The following NRDE2 variants were observed in gnomAD, a reference collection of about 807,000 sequenced individuals.
The protein encoded by NRDE2 is nuclear exosome regulator NRDE2.
NRDE2 carries 76 observed loss-of-function variants against 124.2 expected under a neutral mutation model. The ratio of observed to expected loss-of-function variants is 0.61; its 90% CI spans 0.51 to 0.74. The LOEUF is 0.74. NRDE2 is among the 30% of genes least tolerant of loss of function. The probability of loss-of-function intolerance (pLI) is 0.00; values close to 1 mark genes in which losing one functional copy is unlikely to be tolerated. For synonymous variants in NRDE2, 489 were observed against 528.1 expected (o/e 0.93, Z 1.01); for missense variants, 1,314 against 1,417.3 (o/e 0.93, Z 1.17).
At position 90,303,014 on chromosome 14, in the gene NRDE2, C is replaced by T; in HGVS notation, c.1117G>A (p.Ala373Thr). Residue 373 changes from alanine (A) to threonine (T), a missense_variant, in exon 6 of 14, where the codon GCC (alanine) becomes ACC (threonine). Ala to Thr is a moderately conservative substitution (Grantham distance 58, BLOSUM62 0). Coordinates refer to ENST00000354366, the MANE Select transcript of NRDE2 (RefSeq NM_017970.4). ...ACACTGCTCTGGTTGCTCTCAATGGCCCGCTCCAGAATGGCCAGCTTCTTC... is the reference window on the plus strand; with the variant it reads ...ACACTGCTCTGGTTGCTCTCAATGGTCCGCTCCAGAATGGCCAGCTTCTTC... The part of the protein sequence containing the change: ...LEKKLAILER[A>T]IESNQSSVDL... 1 of 1,614,008 alleles carries T rather than the reference C, an allele frequency of 6.2e-7. No individual in the cohort carries two copies. Among genetic ancestry groups the T allele is most frequent in the Non-Finnish European group, 8.5e-7 (1 of 1,180,038 alleles).
At chr14:90,281,140 A>T (rs1891941241) in intron 12 of NRDE2, 1 of 152,512 alleles carries the variant, frequency 6.6e-6, no homozygotes, top group African/African-American at 2.4e-5. Flanking sequence ...AGCCAACAAG[A>T]TGCTGGCCGG....
intron 4 of NRDE2, among the ~76,000 whole-genome samples, chr14:90,311,789 A>G (rs1884847599): frequency 1.3e-5 from 2 of 152,184 alleles, no homozygotes; most frequent in African/African-American, 4.8e-5. Context: ...AAAAATCACA[A>G]AAAAAGTCAT....
chr14:90,302,701 G>C lies in NRDE2; in HGVS notation c.1411+19C>G, dbSNP rs1884448551. ...AAGTCTAACTCCTCCCACGTAACTG[G>C]ATCTGGTTATCTCCTTACCAAACAT... On this transcript the variant is annotated intron_variant, in intron 6 of 13. Coordinates refer to ENST00000354366, the MANE Select transcript of NRDE2 (RefSeq NM_017970.4). The C allele has an allele frequency of 6.4e-7, 1 of 1,556,446 alleles. No individual in the cohort carries two copies. The highest frequency in any genetic ancestry group is 1.4e-5 in the African/African-American group (1 of 72,642).
chr14:90,304,298 C>T lies in NRDE2; in HGVS notation c.642G>A (p.Lys214=), dbSNP rs1246787485. The stretch of plus-strand genomic sequence containing the variant: ...AGCGTTCAACCTGCTTGCGTGAATG[C>T]TTCTTCTCTGTGGAAGTCCCTTCCC... ...ISWEGTSTEK[K]HSRKQVERYF... is the part of the protein sequence containing the mutation. The change falls in exon 5 of 14, where the codon AAG becomes AAA. Residue 214 remains lysine, a synonymous_variant. Transcript: ENST00000354366. The T allele has an allele frequency of 6.2e-7, 1 of 1,614,176 alleles. No homozygotes were observed. Among genetic ancestry groups the T allele is most frequent in the African/African-American group, 1.3e-5 (1 of 75,060 alleles).
At position 90,288,617 on chromosome 14, in the gene NRDE2, T is replaced by C. The variant is rs1360762810; in HGVS notation, c.2758A>G (p.Ile920Val). 1 of 1,614,128 alleles carries C rather than the reference T, an allele frequency of 6.2e-7. No homozygotes were observed. Among genetic ancestry groups the C allele is most frequent in the Non-Finnish European group, 8.5e-7 (1 of 1,180,034 alleles). Reference sequence around the variant, plus strand: ...TCGTATATCTGCACAGCAGCATCAATCCCTATGGTCAAATACTGGAAGAGC... The same window carrying C: ...TCGTATATCTGCACAGCAGCATCAACCCCTATGGTCAAATACTGGAAGAGC... The part of the protein sequence containing the change: ...FMLFQYLTIG[I>V]DAAVQIYEQV... Residue 920 changes from isoleucine (I) to valine (V), a missense_variant, in exon 11 of 14, where the codon ATT becomes GTT. Coordinates refer to ENST00000354366, the MANE Select transcript of NRDE2 (RefSeq NM_017970.4).
At position 90,316,797 on chromosome 14, in the gene NRDE2, G is replaced by A; in HGVS notation, c.188C>T (p.Ser63Leu). 1 of 1,603,742 alleles carries A rather than the reference G, an allele frequency of 6.2e-7. No homozygotes were observed. ...GLPLTRSHLK[S>L]ESSDESDTNK... is the part of the protein sequence containing the mutation. ...AGTGTCACTTTCATCTGAAGACTCT[G>A]ATTTCAGATGACTCCTGTTTGGGAA... Residue 63 changes from serine (S) to leucine (L), a missense_variant, in exon 3 of 14, where the codon TCA becomes TTA. Transcript: ENST00000354366.
In NRDE2 at chr14:90,290,284, A is replaced by C. The variant is rs1415449524; in HGVS notation, c.2166T>G (p.Pro722=). ...FIRNVFHLVM[P]LFSGKEKSQL... Reference sequence around the variant, plus strand: ...GGGACTTCTCTTTGCCTGAAAATAAAGGCATGACAAGGTGGAAGACATTGC... The same window carrying C: ...GGGACTTCTCTTTGCCTGAAAATAACGGCATGACAAGGTGGAAGACATTGC... The change falls in exon 10 of 14, where the codon CCT becomes CCG. Residue 722 remains proline, a synonymous_variant. Transcript: ENST00000354366. The C allele has an allele frequency of 6.2e-7, 1 of 1,613,992 alleles. No homozygotes were observed. Among genetic ancestry groups the C allele is most frequent in the Non-Finnish European group, 8.5e-7 (1 of 1,180,038 alleles).
intron 12 of NRDE2, among the ~76,000 whole-genome samples, chr14:90,283,963 G>A (rs1038198447): frequency 7.9e-5 from 12 of 152,066 alleles, no homozygotes; most frequent in East Asian, 1.9e-4. Flanking sequence ...CGCCCACCTC[G>A]GCCTCCCAAA....
Position 90,290,424 on chromosome 14 carries a change from G to A in NRDE2, c.2026C>T (p.Pro676Ser). The A allele has an allele frequency of 6.2e-7, 1 of 1,614,030 alleles. No homozygotes were observed. The highest frequency in any genetic ancestry group is 1.6e-4 in the Middle Eastern group (1 of 6,062). ...AACAAAGGGTTGAAAAAAGTCAAGG[G>A]CTTTTCATCATAAAGTCCATTATCA... Reference protein sequence around the residue: ...IFDNGLYDEKPLTFFNPLFSG... With the variant: ...IFDNGLYDEKSLTFFNPLFSG... The change falls in exon 10 of 14, where the codon CCC becomes TCC. Residue 676 changes from proline to serine, a missense_variant. Coordinates refer to ENST00000354366, the MANE Select transcript of NRDE2 (RefSeq NM_017970.4).
At chr14:90,292,313 G>T (rs1420255119) in intron 9 of NRDE2, among the ~76,000 whole-genome samples, 1 of 152,198 alleles carries the variant, frequency 6.6e-6, no homozygotes, top group Non-Finnish European at 1.5e-5. Context: ...TGGACACAAG[G>T]AAAGAATCTA....
Position 90,278,103 on chromosome 14 carries a change from C to T in NRDE2, c.*233G>A, listed in dbSNP as rs545647358. On this transcript the variant is annotated 3_prime_UTR_variant, in exon 14 of 14. Transcript: ENST00000354366. ...ATGACCACGTGGCATGACTCTCTGG[C>T]TATGTACATATATACACATATTCAC... The T allele has an allele frequency of 5.2e-4, 231 of 443,990 alleles. No homozygotes were observed. Among genetic ancestry groups the T allele is most frequent in the South Asian group, 1.1e-3 (43 of 37,940 alleles). 27.5% of individuals were successfully genotyped at this position (443,990 alleles called of 1,614,324 possible). A position where few individuals can be genotyped will look rare whatever the true frequency, so the allele number is the denominator to read the frequency against.
rs1049588693 is a variant in NRDE2, at chr14:90,272,646, C to T, written c.*5690G>A. 11 of 380,914 alleles carry T rather than the reference C, an allele frequency of 2.9e-5. No homozygotes were observed. Among genetic ancestry groups the T allele is most frequent in the African/African-American group, 2.1e-4 (10 of 47,030 alleles). 23.6% of individuals were successfully genotyped at this position (380,914 alleles called of 1,614,324 possible). On this transcript the variant is annotated 3_prime_UTR_variant, in exon 14 of 14. Transcript: ENST00000354366. The surrounding 1 kb of genome is among the most constrained non-coding windows in gnomAD (Gnocchi z 4.5). ...AAACACTTCCTGTTTCTGCAGTCTC[C>T]ACACACACCTACCGCTCAACAGCAG...
intron 3 of NRDE2, among the ~76,000 whole-genome samples, chr14:90,314,170 C>A (rs766150212): frequency 2.6e-5 from 4 of 152,200 alleles, no homozygotes; most frequent in Non-Finnish European, 4.4e-5. Flanking sequence ...GAAAGCTCAT[C>A]CCAGAAACTC....
chr14:90,307,876 C>A (rs2139696273), intron 4 of NRDE2, among the ~76,000 whole-genome samples: 2 of 152,300 alleles, frequency 1.3e-5, no homozygotes, highest in Middle Eastern at 6.8e-3. Flanking sequence ...CCACTTCAGC[C>A]TCCTGAATAG....
Position 90,290,430 on chromosome 14 carries a change from C to T in NRDE2, c.2020G>A (p.Glu674Lys), listed in dbSNP as rs1204259834. 1.2e-6 allele frequency: 2 copies of T among 1,614,052 alleles called. No individual in the cohort carries two copies. The highest frequency in any genetic ancestry group is 3.3e-5 in the Admixed American group (2 of 60,012). ...NSIFDNGLYD[E>K]KPLTFFNPLF... is the part of the protein sequence containing the mutation. Reference sequence around the variant, plus strand: ...GGGTTGAAAAAAGTCAAGGGCTTTTCATCATAAAGTCCATTATCAAAGATG... The same window carrying T: ...GGGTTGAAAAAAGTCAAGGGCTTTTTATCATAAAGTCCATTATCAAAGATG... The change falls in exon 10 of 14, where the codon GAA becomes AAA. Residue 674 changes from glutamate (E) to lysine (K), a missense_variant. Coordinates refer to ENST00000354366, the MANE Select transcript of NRDE2 (RefSeq NM_017970.4).
At position 90,270,999 on chromosome 14, in the gene NRDE2, C is replaced by T. The variant is rs974255617; in HGVS notation, c.*7337G>A. The T allele has an allele frequency of 3.9e-5, 6 of 152,090 alleles. No homozygotes were observed. The highest frequency in any genetic ancestry group is 2.6e-4 in the Admixed American group (4 of 15,276). The allele number at this position is 152,090 out of a possible 1,614,324, so 9.4% of individuals were successfully genotyped here. A position where few individuals can be genotyped will look rare whatever the true frequency, so the allele number is the denominator to read the frequency against. On this transcript the variant is annotated 3_prime_UTR_variant, in exon 14 of 14. Coordinates refer to ENST00000354366, the MANE Select transcript of NRDE2 (RefSeq NM_017970.4). ...ATCATTGGCAGTTAGTCCTAGAGAA[C>T]TAGATGTCTCTGTTGGCAAGTAAAA...
intron 12 of NRDE2, among the ~76,000 whole-genome samples, chr14:90,282,408 T>G (rs1399800141): frequency 1.3e-5 from 2 of 151,322 alleles, no homozygotes; most frequent in African/African-American, 4.9e-5. Context: ...CCCAGGAGGT[T>G]GAGGCTGCAG....
rs1374244227 is a variant in NRDE2 at position 90,274,834 on chromosome 14, A to ACCCCC, written c.*3501_*3502insGGGGG. On this transcript the variant is annotated 3_prime_UTR_variant, in exon 14 of 14. Transcript: ENST00000354366. ...CACACACACACACACACACACACAC[A>ACCCCC]CACACCCCAATACATATGAATTGAT... 1.1e-4 allele frequency: 6 copies of ACCCCC among 54,332 alleles called. No homozygotes were observed. The East Asian group carries it at 3.2e-3, about 29-fold the overall frequency. 3.4% of individuals were successfully genotyped at this position (54,332 alleles called of 1,614,324 possible).
Position 90,275,812 on chromosome 14 carries a change from A to G in NRDE2, c.*2524T>C, listed in dbSNP as rs992508125. ...TTTGGAGCCCTTCCTCAGTAGAACA[A>G]TTTAAGGTGAACTCTCCCATCACTC... On this transcript the variant is annotated 3_prime_UTR_variant, in exon 14 of 14. Coordinates refer to ENST00000354366, the MANE Select transcript of NRDE2 (RefSeq NM_017970.4). 3.3e-5 allele frequency: 5 copies of G among 152,222 alleles called. No homozygotes were observed. Among genetic ancestry groups the G allele is most frequent in the Admixed American group, 2.0e-4 (3 of 15,284 alleles). The allele number at this position is 152,222 out of a possible 1,614,324, so 9.4% of individuals were successfully genotyped here. A position where few individuals can be genotyped will look rare whatever the true frequency, so the allele number is the denominator to read the frequency against.
Sources: allele counts gnomAD v4.1 joint callset (sites outside exome capture counted in the v4.1 genomes callset), GRCh38; gene constraint gnomAD v4.1.1; non-coding constraint Gnocchi (gnomAD v3.1); transcripts MANE v1.5; gene names NCBI Gene and HGNC (gene_info 2026-07-23, HGNC 2026-07-21).